The following SRGAP2 variants were observed in gnomAD, a reference collection of about 807,000 sequenced individuals.
SRGAP2 encodes SLIT-ROBO Rho GTPase activating protein 2.
SRGAP2 carries 15 observed loss-of-function variants against 57.2 expected under a neutral mutation model. That is an observed-to-expected ratio of 0.26 (90% CI 0.18 to 0.40). The LOEUF (loss-of-function observed/expected upper bound fraction) is 0.40, where lower values mean the gene tolerates loss of function less well. Among genes scored for constraint, SRGAP2 ranks in the 10% least tolerant of loss-of-function variants. The probability of loss-of-function intolerance (pLI) is 1.00; values close to 1 mark genes in which losing one functional copy is unlikely to be tolerated. For synonymous variants in SRGAP2, 249 were observed against 248.0 expected (o/e 1.00, Z -0.04); for missense variants, 520 against 669.6 (o/e 0.78, Z 2.47).
chr1:206,360,571 G>A (rs1553340425), intron 4 of SRGAP2, among the ~76,000 whole-genome samples: 1 of 152,222 alleles, frequency 6.6e-6, no homozygotes, highest in Admixed American at 6.5e-5. Flanking sequence ...GAGCTGTGGA[G>A]ATGGTGAGAA....
chr1:206,382,664 A>G (rs1553347365), intron 4 of SRGAP2, among the ~76,000 whole-genome samples: 2 of 152,138 alleles, frequency 1.3e-5, no homozygotes, highest in East Asian at 3.8e-4. Context: ...ATAAACATAC[A>G]TTACTTTTGT....
chr1:206,229,472 G>A lies in SRGAP2; in HGVS notation c.67+23435G>A, dbSNP rs1243553201. Among the ~76,000 whole-genome samples the A allele has an allele frequency of 5.9e-5, 9 of 152,318 alleles. 1 individual carries two copies. Among genetic ancestry groups the A allele is most frequent in the Admixed American group, 5.9e-4 (9 of 15,306 alleles). On this transcript the variant is annotated intron_variant, in intron 2 of 22. Transcript: ENST00000573034. ...GTGTGGTGGAAACTTGTGCAGGCCT[G>A]CTTGGCTGTGCCGCAACTGAGCAGC...
intron 2 of SRGAP2, among the ~76,000 whole-genome samples, chr1:206,210,862 G>A (rs1553302304): frequency 6.6e-6 from 1 of 151,246 alleles, no homozygotes; most frequent in African/African-American, 2.4e-5. Flanking sequence ...CCTGCAAGAT[G>A]ATTGAGGGCT....
intron 21 of SRGAP2, chr1:206,458,333 T>G: frequency 1.7e-6 from 1 of 587,818 alleles, no homozygotes; most frequent in Non-Finnish European, 3.3e-6. Context: ...CTCTTTCCCA[T>G]TAGAAACCTT....
chr1:206,455,209 C>T lies in SRGAP2; in HGVS notation c.2507+185C>T, dbSNP rs1558454381. On this transcript the variant is annotated intron_variant, in intron 21 of 22. Transcript: ENST00000573034. ...GGGCTGAGGATGCTGCTACAAGCCT[C>T]GGGGCAGGTCCAGGTCTCCAGCTAG... is the stretch of plus-strand genomic sequence containing the variant. The T allele has an allele frequency of 1.6e-5, 10 of 638,110 alleles. 1 individual carries two copies. The highest frequency in any genetic ancestry group is 1.1e-4 in the South Asian group (6 of 56,854). 39.5% of individuals were successfully genotyped at this position (638,110 alleles called of 1,614,324 possible). A position where few individuals can be genotyped will look rare whatever the true frequency, so the allele number is the denominator to read the frequency against.
intron 3 of SRGAP2, among the ~76,000 whole-genome samples, chr1:206,306,077 A>G (rs1672175898): frequency 6.6e-5 from 10 of 152,006 alleles, no homozygotes. Context: ...TTTTAGTACT[A>G]TATCATATTC....
At chr1:206,298,651 T>C (rs1671715008) in intron 2 of SRGAP2, among the ~76,000 whole-genome samples, 1 of 152,214 alleles carries the variant, frequency 6.6e-6, no homozygotes, top group South Asian at 2.1e-4. Flanking sequence ...GCATGAAATA[T>C]CAACCAGAGG....
chr1:206,357,265 T>C (rs1467781653), intron 4 of SRGAP2, among the ~76,000 whole-genome samples: 5 of 149,122 alleles, frequency 3.4e-5, no homozygotes, highest in Non-Finnish European at 7.4e-5. Flanking sequence ...AAGAAAAAAT[T>C]TTAAAAAGTA....
At chr1:206,237,121 G>A (rs1389139816) in intron 2 of SRGAP2, among the ~76,000 whole-genome samples, 2 of 151,776 alleles carry the variant, frequency 1.3e-5, no homozygotes, top group Non-Finnish European at 2.9e-5. Flanking sequence ...AAATTAGCTA[G>A]GTGGGTGGCA....
intron 18 of SRGAP2, among the ~76,000 whole-genome samples, chr1:206,447,574 T>C (rs1446781189): frequency 6.6e-6 from 1 of 152,136 alleles, no homozygotes; most frequent in Non-Finnish European, 1.5e-5. Context: ...TGGTTGGTGG[T>C]GACTGGGGAG....
chr1:206,307,708 C>G (rs1204304630), intron 3 of SRGAP2, among the ~76,000 whole-genome samples: 4 of 152,236 alleles, frequency 2.6e-5, no homozygotes, highest in African/African-American at 7.2e-5. Context: ...GCTAAGTCCC[C>G]CATTGCCCGG....
chr1:206,424,903 C>G (rs1660660066), intron 13 of SRGAP2, among the ~76,000 whole-genome samples: 1 of 152,226 alleles, frequency 6.6e-6, no homozygotes, highest in Admixed American at 6.5e-5. Flanking sequence ...TAGAAAAATG[C>G]CTGTGCAGTA....
At chr1:206,452,443 GTATT>G (rs1663398805) in intron 19 of SRGAP2, among the ~76,000 whole-genome samples, 1 of 152,000 alleles carries the variant, frequency 6.6e-6, no homozygotes, top group African/African-American at 2.4e-5. Flanking sequence ...ATACATGTAT[GTATT>G]CTAAAAAATG....
chr1:206,324,500 A>G (rs1673721353), intron 3 of SRGAP2, among the ~76,000 whole-genome samples: 1 of 152,118 alleles, frequency 6.6e-6, no homozygotes, highest in Non-Finnish European at 1.5e-5. Flanking sequence ...CTGTGGGTAC[A>G]TTTGTAGGTC....
At chr1:206,337,044 A>G (rs1280907262) in intron 3 of SRGAP2, among the ~76,000 whole-genome samples, 1 of 142,374 alleles carries the variant, frequency 7.0e-6, no homozygotes, top group Non-Finnish European at 1.5e-5. Context: ...AGATGTATTG[A>G]TAGTTGCCAT....
At chr1:206,451,270 A>C (rs1334834198) in intron 19 of SRGAP2, among the ~76,000 whole-genome samples, 4 of 152,184 alleles carry the variant, frequency 2.6e-5, no homozygotes, top group Non-Finnish European at 5.9e-5. Context: ...GACCCTTTCC[A>C]AAGTACAGAC....
At chr1:206,353,981 G>T (rs1553338806) in intron 4 of SRGAP2, among the ~76,000 whole-genome samples, 1 of 151,394 alleles carries the variant, frequency 6.6e-6, no homozygotes, top group Non-Finnish European at 1.5e-5. Context: ...TTTAGAGATG[G>T]GGTCTCGCTG....
Position 206,454,209 on chromosome 1 carries a change from C to A in SRGAP2, c.2361-669C>A. ...CCGGCTCGTTCTGCAGGGAAATCCT[C>A]CCTCTGTTGATAGCATCGCAAACCT... On this transcript the variant is annotated intron_variant, in intron 20 of 22. Coordinates refer to ENST00000573034, the MANE Select transcript of SRGAP2 (RefSeq NM_015326.5). The surrounding 1 kb of genome is among the most constrained non-coding windows in gnomAD (Gnocchi z 4.3). 1 of 702,446 alleles carries A rather than the reference C, an allele frequency of 1.4e-6. No individual in the cohort carries two copies. Among genetic ancestry groups the A allele is most frequent in the Non-Finnish European group, 2.6e-6 (1 of 384,934 alleles). 43.5% of individuals were successfully genotyped at this position (702,446 alleles called of 1,614,324 possible).
In SRGAP2 at chr1:206,254,179, GTTTTTTT is replaced by G. The variant is rs373417477; in HGVS notation, c.67+48153_67+48159del. Among the ~76,000 whole-genome samples the G allele has an allele frequency of 6.4e-5, 3 of 47,138 alleles. 1 individual carries two copies. Among genetic ancestry groups the G allele is most frequent in the African/African-American group, 3.8e-4 (3 of 7,844 alleles). 30.9% of individuals were successfully genotyped at this position (47,138 alleles called of 152,430 possible). The stretch of plus-strand genomic sequence containing the variant: ...GCTCACATTCTGTCTTGCTTTTTCT[GTTTTTTT>G]TTTTTTTTTTGGAGGGGGTTCAAAT... On this transcript the variant is annotated intron_variant, in intron 2 of 22. Coordinates refer to ENST00000573034, the MANE Select transcript of SRGAP2 (RefSeq NM_015326.5).
Sources: allele counts gnomAD v4.1 joint callset (sites outside exome capture counted in the v4.1 genomes callset), GRCh38; gene constraint gnomAD v4.1.1; non-coding constraint Gnocchi (gnomAD v3.1); transcripts MANE v1.5; gene names NCBI Gene and HGNC (gene_info 2026-07-23, HGNC 2026-07-21).